Variants in MYLK3 observed in about 807,000 individuals in gnomAD.
The protein encoded by MYLK3 is MLC kinase.
Under a neutral mutation model 76.3 loss-of-function variants are expected in MYLK3, and 55 were observed. The ratio of observed to expected loss-of-function variants is 0.72; its 90% CI spans 0.58 to 0.90. The LOEUF (loss-of-function observed/expected upper bound fraction) is 0.90, where lower values mean the gene tolerates loss of function less well. Ranked by LOEUF, MYLK3 falls within the 40% of genes least tolerant of loss-of-function variation. The pLI is 0.00. For missense variants in MYLK3, 973 were observed against 1,053.6 expected (o/e 0.92, Z 1.06); for synonymous variants, 416 against 425.4 (o/e 0.98, Z 0.27).
chr16:46,732,508 C>T lies in MYLK3; in HGVS notation c.1162G>A (p.Glu388Lys). The change falls in exon 4 of 13, where the codon GAG (glutamate) becomes AAG (lysine). Residue 388 changes from glutamate (E) to lysine (K), a missense_variant. By Grantham distance (56) the Glu-to-Lys change is moderately conservative. Around this residue, in one of 2 missense-constraint regions of MYLK3, gnomAD observed 641 missense variants for 637.0 expected, o/e 1.01. Transcript: ENST00000394809. Reference sequence around the variant, plus strand: ...CCTTCAGGGGTCTGTTCTCCGGGCTCAGTCCCAGGGGCTTGGAGGCAGCGC... The same window carrying T: ...CCTTCAGGGGTCTGTTCTCCGGGCTTAGTCCCAGGGGCTTGGAGGCAGCGC... ...TGRCLQAPGT[E>K]PGEQTPEGAR... The T allele has an allele frequency of 1.9e-6, 3 of 1,606,776 alleles. No homozygotes were observed. The highest frequency in any genetic ancestry group is 2.5e-6 in the Non-Finnish European group (3 of 1,179,900).
rs373929348 is a variant in MYLK3, at chr16:46,738,085, C to G, written c.627G>C (p.Ala209=). Residue 209 remains alanine (A), a synonymous_variant, in exon 3 of 13, where the codon GCG becomes GCC. Transcript: ENST00000394809. ...GTAERLPPIR[A]SGLGADPAQA... is the part of the protein sequence containing the mutation. ...GGGCGGGGTCAGCTCCCAGCCCTGA[C>G]GCTCTGATGGGGGGCAGCCTCTCCG... The G allele has an allele frequency of 1.9e-6, 3 of 1,595,480 alleles. No individual in the cohort carries two copies. In the African/African-American group the frequency reaches 4.0e-5, roughly 21 times the overall value.
At position 46,747,827 on chromosome 16, in the gene MYLK3, T is replaced by C. The variant is rs965818049; in HGVS notation, c.367A>G (p.Arg123Gly). 5.6e-6 allele frequency: 9 copies of C among 1,614,074 alleles called. No individual in the cohort carries two copies. The African/African-American group carries it at 1.1e-4, about 19-fold the overall frequency. Reference sequence around the variant, plus strand: ...GTGGCCCCCACCAAAGCGATGGCCCTGTCCACCGCAGCCACCATCCTGAAG... The same window carrying C: ...GTGGCCCCCACCAAAGCGATGGCCCCGTCCACCGCAGCCACCATCCTGAAG... ...ALFRMVAAVDRAIALVGATFQ... is the reference protein window; with the variant it reads ...ALFRMVAAVDGAIALVGATFQ... The change falls in exon 1 of 13, where the codon AGG becomes GGG. Residue 123 changes from arginine to glycine, a missense_variant. By Grantham distance (125) the Arg-to-Gly change is moderately radical. Around this residue, in one of 2 missense-constraint regions of MYLK3, gnomAD observed 641 missense variants for 637.0 expected, o/e 1.01. Coordinates refer to ENST00000394809, the MANE Select transcript of MYLK3 (RefSeq NM_182493.3).
At chr16:46,740,303 T>C (rs1161141409) in intron 1 of MYLK3, among the ~76,000 whole-genome samples, 156 bp from the exon 2 acceptor site, 1 of 152,046 alleles carries the variant, frequency 6.6e-6, no homozygotes, top group Non-Finnish European at 1.5e-5. Flanking sequence ...ACTGCAATTA[T>C]CACTTTAGAG....
rs1440135906 is a variant in MYLK3, at chr16:46,703,479, A to C, written c.*4225T>G. 1 of 152,232 alleles carries C rather than the reference A, an allele frequency of 6.6e-6. No individual in the cohort carries two copies. Among genetic ancestry groups the C allele is most frequent in the Non-Finnish European group, 1.5e-5 (1 of 68,044 alleles). The allele number at this position is 152,232 out of a possible 1,614,324, so 9.4% of individuals were successfully genotyped here. On this transcript the variant is annotated 3_prime_UTR_variant, in exon 13 of 13. Transcript: ENST00000394809. Reference sequence around the variant, plus strand: ...AATTCTTCACCAATCTGACAGGTGGAAAAAGTGTGCCCCAACTACCTTTTA... The same window carrying C: ...AATTCTTCACCAATCTGACAGGTGGCAAAAGTGTGCCCCAACTACCTTTTA...
chr16:46,708,063 T>C (rs1966645250), intron 12 of MYLK3, among the ~76,000 whole-genome samples: 1 of 151,970 alleles, frequency 6.6e-6, no homozygotes. Flanking sequence ...TGGAGTGCAG[T>C]GGCGTGATCT....
rs199789442 is a variant in MYLK3 at position 46,712,780 on chromosome 16, G to C, written c.1986-4C>G. ...CAGCTTCTCTCGAGGCTTGTACCTG[G>C]GGAGAAGGGGAGGGTACAAAGAAGC... On this transcript the variant is annotated splice_region_variant and splice_polypyrimidine_tract_variant and intron_variant, in intron 9 of 12. Coordinates refer to ENST00000394809, the MANE Select transcript of MYLK3 (RefSeq NM_182493.3). 2.0e-5 allele frequency: 31 copies of C among 1,584,530 alleles called. No individual in the cohort carries two copies. In the Admixed American group the frequency reaches 5.6e-4, roughly 28 times the overall value.
chr16:46,758,292 ACACACACACACACTCTCTCT>A (rs1458808922), intron 1 of MYLK3, among the ~76,000 whole-genome samples: 15 of 57,724 alleles, frequency 2.6e-4, no homozygotes, highest in Non-Finnish European at 4.3e-4. Context: ...ACACACACAC[ACACACACACACACTCTCTCT>A]CTCTCTCTCT....
At chr16:46,750,765 G>GGATC (rs1232161124), upstream of MYLK3, among the ~76,000 whole-genome samples, 1 of 152,042 alleles carries the variant, frequency 6.6e-6, no homozygotes, top group East Asian at 1.9e-4. Context: ...CGAGGCAGGT[G>GGATC]GATCACCTGA....
rs2143011697 is a variant in MYLK3, at chr16:46,703,024, C to T, written c.*4680G>A. ...ATGAAAAGTGGAATTCCCCCTCTCC[C>T]AATCACCCACTTTTCACACTCCACT... On this transcript the variant is annotated 3_prime_UTR_variant, in exon 13 of 13. Coordinates refer to ENST00000394809, the MANE Select transcript of MYLK3 (RefSeq NM_182493.3). Among the ~76,000 whole-genome samples, 1 of 151,212 alleles carries T rather than the reference C, an allele frequency of 6.6e-6. No homozygotes were observed. The highest frequency in any genetic ancestry group is 2.0e-4 in the East Asian group (1 of 5,124).
At position 46,753,856 on chromosome 16, in the gene MYLK3, C is replaced by T. The variant is rs186006949; in HGVS notation, c.-114+9184G>A. Among the ~76,000 whole-genome samples the T allele has an allele frequency of 6.6e-5, 10 of 152,226 alleles. No individual in the cohort carries two copies. In the East Asian group the frequency reaches 9.7e-4, roughly 15 times the overall value. ...TAAGCCCAAGAGGCAGAGGTTGCAG[C>T]GAACTGTGTTTGTGCCACTGCACTC... On this transcript the variant is annotated intron_variant, in intron 1 of 11. Coordinates refer to the MYLK3 transcript ENST00000536476.
chr16:46,702,595 T>C lies in MYLK3; in HGVS notation c.*5109A>G, dbSNP rs1399425287. Among the ~76,000 whole-genome samples, 2 of 152,228 alleles carry C rather than the reference T, an allele frequency of 1.3e-5. No individual in the cohort carries two copies. Among genetic ancestry groups the C allele is most frequent in the African/African-American group, 4.8e-5 (2 of 41,456 alleles). ...ATCAGGGTCAACACAAGGTTCACAC[T>C]TGACATTGAGTTGTGAATTTTTAAT... On this transcript the variant is annotated 3_prime_UTR_variant, in exon 13 of 13. Transcript: ENST00000394809.
chr16:46,740,545 ATATATATTTT>A (rs1180106302), intron 1 of MYLK3, among the ~76,000 whole-genome samples: 1 of 99,570 alleles, frequency 1.0e-5, no homozygotes, highest in African/African-American at 3.7e-5. Flanking sequence ...ACATATATAT[ATATATATTTT>A]TTTTTTTTTT....
intron 1 of MYLK3, among the ~76,000 whole-genome samples, chr16:46,746,354 C>T (rs940500546): frequency 2.0e-5 from 3 of 152,078 alleles, no homozygotes; most frequent in South Asian, 2.1e-4. Context: ...CATTTTGATC[C>T]GAGATTTGAT....
At position 46,730,503 on chromosome 16, in the gene MYLK3, T is replaced by TGCA. The variant is rs1282514456; in HGVS notation, c.1568+87_1568+89dup. ...CCATCAGCTCGAGAGAGAGTCATCC[T>TGCA]GCAGCACCCACCCCAGTTCTCCAGG... On this transcript the variant is annotated intron_variant, in intron 5 of 12. Transcript: ENST00000394809. The TGCA allele has an allele frequency of 2.8e-6, 3 of 1,065,560 alleles. No individual in the cohort carries two copies. The African/African-American group carries it at 4.6e-5, about 16-fold the overall frequency. The allele number at this position is 1,065,560 out of a possible 1,614,324, so 66.0% of individuals were successfully genotyped here. A position where few individuals can be genotyped will look rare whatever the true frequency, so the allele number is the denominator to read the frequency against.
rs139225274 is a variant in MYLK3, at chr16:46,743,168, G to A, written c.478-3021C>T. Among the ~76,000 whole-genome samples, 33 of 152,302 alleles carry A rather than the reference G, an allele frequency of 2.2e-4. No homozygotes were observed. In the East Asian group the frequency reaches 6.2e-3, roughly 28 times the overall value. On this transcript the variant is annotated intron_variant, in intron 1 of 12. Coordinates refer to ENST00000394809, the MANE Select transcript of MYLK3 (RefSeq NM_182493.3). ...GCCTGGGGCTGTTTTCCAGGAGACC[G>A]CACCTGGCTTCCAGGGATCATCGAA... is the stretch of plus-strand genomic sequence containing the variant.
intron 9 of MYLK3, among the ~76,000 whole-genome samples, chr16:46,716,329 G>A: frequency 6.6e-6 from 1 of 151,782 alleles, no homozygotes; most frequent in Non-Finnish European, 1.5e-5. Context: ...TAGATAGACA[G>A]ATAGATGTTA....
chr16:46,742,808 A>T (rs964687354), intron 1 of MYLK3, among the ~76,000 whole-genome samples: 10 of 152,144 alleles, frequency 6.6e-5, no homozygotes, highest in Non-Finnish European at 8.8e-5. Flanking sequence ...AGCGTCATCA[A>T]TGTGGCCCAG....
chr16:46,729,123 T>C lies in MYLK3; in HGVS notation c.1673A>G (p.Lys558Arg). 1 of 1,613,964 alleles carries C rather than the reference T, an allele frequency of 6.2e-7. No individual in the cohort carries two copies. Among genetic ancestry groups the C allele is most frequent in the Non-Finnish European group, 8.5e-7 (1 of 1,179,860 alleles). The change falls in exon 7 of 13, where the codon AAG becomes AGG. Residue 558 changes from lysine to arginine, a missense_variant. By Grantham distance (26) the Lys-to-Arg change is conservative. Coordinates refer to ENST00000394809, the MANE Select transcript of MYLK3 (RefSeq NM_182493.3). Reference protein sequence around the residue: ...VKSAKDREDVKNEINIMNQLS... With the variant: ...VKSAKDREDVRNEINIMNQLS... ...CTGGTTCATGATGTTGATCTCGTTC[T>C]TCACGTCCTCCTTGGGGGAACCAGA...
In MYLK3 at chr16:46,720,382, T is replaced by C. The variant is rs751289867; in HGVS notation, c.1985+741A>G. Among the ~76,000 whole-genome samples, 4 of 152,128 alleles carry C rather than the reference T, an allele frequency of 2.6e-5. No individual in the cohort carries two copies. In the East Asian group the frequency reaches 7.7e-4, roughly 29 times the overall value. ...GCTGGGCTAATTTTTGTATTTTTTGTAGAGATGAGGTCTTGCTGTGTTGCC... is the reference window on the plus strand; with the variant it reads ...GCTGGGCTAATTTTTGTATTTTTTGCAGAGATGAGGTCTTGCTGTGTTGCC... On this transcript the variant is annotated intron_variant, in intron 9 of 12. Transcript: ENST00000394809.
Sources: gnomAD v4.1 joint callset for allele counts (sites outside exome capture counted in the v4.1 genomes callset) on GRCh38, gnomAD v4.1.1 for gene constraint, gnomAD v4.1.1 regional missense constraint, MANE v1.5 for transcripts, NCBI Gene and HGNC (gene_info 2026-07-23, HGNC 2026-07-21) for gene names.